The following GALNT1 variants were observed in gnomAD, a reference collection of about 807,000 sequenced individuals.
The protein encoded by GALNT1 is GalNAc transferase 1.
Under a neutral mutation model 65.7 loss-of-function variants are expected in GALNT1, and 17 were observed. The ratio of observed to expected loss-of-function variants is 0.26; its 90% CI spans 0.18 to 0.39. GALNT1 has a LOEUF of 0.39. GALNT1 is among the 10% of genes least tolerant of loss of function. GALNT1 has a pLI of 1.00. For missense variants in GALNT1, 460 were observed against 672.8 expected (o/e 0.68, Z 3.50); for synonymous variants, 210 against 219.7 (o/e 0.96, Z 0.39).
intron 1 of GALNT1, among the ~76,000 whole-genome samples, chr18:35,601,341 T>G (rs978674627): frequency 4.6e-5 from 7 of 152,090 alleles, no homozygotes; most frequent in Non-Finnish European, 1.0e-4. Flanking sequence ...CTTTTTTGCT[T>G]ATTTTCTTAG....
chr18:35,678,454 A>G (rs1240599613), intron 4 of GALNT1, among the ~76,000 whole-genome samples: 1 of 152,170 alleles, frequency 6.6e-6, no homozygotes, highest in South Asian at 2.1e-4. Context: ...GGCTTGGTCA[A>G]TATTATTTAT....
chr18:35,598,065 C>G (rs1555644819), intron 1 of GALNT1, among the ~76,000 whole-genome samples: 1 of 129,418 alleles, frequency 7.7e-6, no homozygotes, highest in Non-Finnish European at 1.6e-5. Context: ...TCTTTTTCAA[C>G]AGAGTCTTGC....
At chr18:35,661,637 TGAA>T (rs1225759450) in intron 2 of GALNT1, among the ~76,000 whole-genome samples, 2 of 152,170 alleles carry the variant, frequency 1.3e-5, no homozygotes, top group Admixed American at 6.5e-5. Context: ...TGTTTGTTGT[TGAA>T]GAAGAAATTG....
At chr18:35,629,352 G>C (rs1214723156) in intron 1 of GALNT1, among the ~76,000 whole-genome samples, 1 of 152,196 alleles carries the variant, frequency 6.6e-6, no homozygotes, top group Non-Finnish European at 1.5e-5. Context: ...AATCCCATCA[G>C]ACTAACAGCT....
chr18:35,677,512 T>G, intron 3 of GALNT1, 79 bp from the exon 4 acceptor site: 1 of 1,157,032 alleles, frequency 8.6e-7, no homozygotes, highest in Admixed American at 2.4e-5. Flanking sequence ...TTTATTGTTC[T>G]ATCACCCTTC....
upstream of GALNT1, chr18:35,581,395 C>T (rs1223014665): frequency 6.7e-6 from 1 of 149,156 alleles, no homozygotes; most frequent in Admixed American, 6.7e-5. Context: ...GTCGCGGCCC[C>T]GCGGTGGGCT....
chr18:35,684,346 AT>A (rs537220639), intron 5 of GALNT1, among the ~76,000 whole-genome samples: 1 of 152,148 alleles, frequency 6.6e-6, no homozygotes, highest in African/African-American at 2.4e-5. Context: ...CTGGATCTAT[AT>A]TTTTTCCCTT....
rs1171555315 is a variant in GALNT1 at position 35,606,836 on chromosome 18, T to A, written c.-104+24974T>A. Among the ~76,000 whole-genome samples, 348 of 116,938 alleles carry A rather than the reference T, an allele frequency of 3.0e-3. 3 individuals are homozygous for A. Among genetic ancestry groups the A allele is most frequent in the South Asian group, 6.4e-3 (27 of 4,230 alleles). 76.7% of individuals were successfully genotyped at this position (116,938 alleles called of 152,430 possible). A position where few individuals can be genotyped will look rare whatever the true frequency, so the allele number is the denominator to read the frequency against. ...TGTTGATGTTTTGTGTGTGTGTGTG[T>A]GTGTGTGTGTGTGTGTGTGTGTGTG... is the stretch of plus-strand genomic sequence containing the variant. On this transcript the variant is annotated intron_variant, in intron 1 of 11. Coordinates refer to ENST00000269195, the MANE Select transcript of GALNT1 (RefSeq NM_020474.4).
chr18:35,611,393 T>C (rs1466088311), intron 1 of GALNT1, among the ~76,000 whole-genome samples: 5 of 152,164 alleles, frequency 3.3e-5, no homozygotes, highest in African/African-American at 4.8e-5. Flanking sequence ...TGTGCCATAG[T>C]TTAACTTTCA....
intron 1 of GALNT1, among the ~76,000 whole-genome samples, chr18:35,606,819 T>TTTTG (rs1555645221): frequency 7.6e-6 from 1 of 132,264 alleles, no homozygotes; most frequent in Non-Finnish European, 1.6e-5. Context: ...TTTGTTGATG[T>TTTTG]TTTGTGTGTG....
At chr18:35,672,609 A>T (rs1568029373) in intron 3 of GALNT1, among the ~76,000 whole-genome samples, 1 of 152,134 alleles carries the variant, frequency 6.6e-6, no homozygotes, top group African/African-American at 2.4e-5. Context: ...TGCCTTGTAC[A>T]GTCTCTAAGA....
At chr18:35,695,749 T>C (rs999290173) in intron 9 of GALNT1, among the ~76,000 whole-genome samples, 2 of 152,220 alleles carry the variant, frequency 1.3e-5, no homozygotes, top group Non-Finnish European at 2.9e-5. Context: ...CCTTTCATTC[T>C]CACTGATGCC....
At chr18:35,627,168 G>C (rs1431654369) in intron 1 of GALNT1, among the ~76,000 whole-genome samples, 1 of 152,258 alleles carries the variant, frequency 6.6e-6, no homozygotes, top group Non-Finnish European at 1.5e-5. Flanking sequence ...CTAAGAGGGA[G>C]AGAGATAATT....
rs535572839 is a variant in GALNT1 at position 35,692,673 on chromosome 18, C to A, written c.1299+353C>A. 1.2e-3 allele frequency among the ~76,000 whole-genome samples: 180 copies of A among 151,940 alleles called. 1 individual carries two copies. The highest frequency in any genetic ancestry group is 1.7e-3 in the Non-Finnish European group (115 of 67,928). Reference sequence around the variant, plus strand: ...ATATATATTAAAAAAAAAAAGACTTCTTTGCAGGTCTTTGTGAACTTGTAA... The same window carrying A: ...ATATATATTAAAAAAAAAAAGACTTATTTGCAGGTCTTTGTGAACTTGTAA... On this transcript the variant is annotated intron_variant, in intron 9 of 11. Coordinates refer to ENST00000269195, the MANE Select transcript of GALNT1 (RefSeq NM_020474.4).
intron 9 of GALNT1, among the ~76,000 whole-genome samples, chr18:35,697,272 G>T (rs76006052): frequency 1.1e-3 from 168 of 152,248 alleles, no homozygotes; most frequent in African/African-American, 3.9e-3. Flanking sequence ...ATGAGAAAGG[G>T]TTCTTATAGC....
In GALNT1 at chr18:35,710,274, A is replaced by C. The variant is rs1317712345; in HGVS notation, c.*504A>C. On this transcript the variant is annotated 3_prime_UTR_variant, in exon 12 of 12. Coordinates refer to ENST00000269195, the MANE Select transcript of GALNT1 (RefSeq NM_020474.4). The stretch of plus-strand genomic sequence containing the variant: ...GAAAACAACATTTTTACAACAACAA[A>C]AAAACTATATTAAACAGGGTTTAAA... 1 of 153,424 alleles carries C rather than the reference A, an allele frequency of 6.5e-6. No homozygotes were observed. The highest frequency in any genetic ancestry group is 6.5e-5 in the Admixed American group (1 of 15,432). The allele number at this position is 153,424 out of a possible 1,614,324, so 9.5% of individuals were successfully genotyped here.
intron 9 of GALNT1, among the ~76,000 whole-genome samples, chr18:35,696,001 C>T (rs1313199602): frequency 2.6e-5 from 4 of 152,194 alleles, no homozygotes; most frequent in Non-Finnish European, 4.4e-5. Flanking sequence ...TTGTCTGCTC[C>T]ATGGTAGATG....
intron 1 of GALNT1, among the ~76,000 whole-genome samples, chr18:35,593,795 G>C (rs908893976): frequency 2.6e-5 from 4 of 151,960 alleles, no homozygotes; most frequent in Admixed American, 1.3e-4. Context: ...TGCAACCTCC[G>C]CCTCTCGGGT....
At chr18:35,701,882 A>G (rs2048170071) in intron 9 of GALNT1, among the ~76,000 whole-genome samples, 1 of 152,216 alleles carries the variant, frequency 6.6e-6, no homozygotes, top group African/African-American at 2.4e-5. Context: ...ATAAAGTGAC[A>G]GTGCAGATTA....
Sources: allele counts gnomAD v4.1 joint callset (sites outside exome capture counted in the v4.1 genomes callset), GRCh38; gene constraint gnomAD v4.1.1; transcripts MANE v1.5; gene names NCBI Gene and HGNC (gene_info 2026-07-23, HGNC 2026-07-21).